PPIP5K1: variants seen among roughly 807,000 people sequenced by gnomAD.
PPIP5K1 encodes diphosphoinositol pentakisphosphate kinase 1.
In PPIP5K1, 6 loss-of-function variants were observed where a neutral mutation model predicts 27.7. The ratio of observed to expected loss-of-function variants is 0.22; its 90% CI spans 0.12 to 0.43. PPIP5K1 has a LOEUF of 0.43. Among genes scored for constraint, PPIP5K1 ranks in the 20% least tolerant of loss-of-function variants. The pLI is 1.00. For missense variants in PPIP5K1, 394 were observed against 635.4 expected (o/e 0.62, Z 4.08); for synonymous variants, 145 against 242.6 (o/e 0.60, Z 3.74).
At position 43,535,288 on chromosome 15, in the gene PPIP5K1, C is replaced by G; in HGVS notation, c.3859G>C (p.Glu1287Gln). The G allele has an allele frequency of 6.2e-7, 1 of 1,614,160 alleles. No individual in the cohort carries two copies. The highest frequency in any genetic ancestry group is 8.5e-7 in the Non-Finnish European group (1 of 1,180,034). The change falls in exon 32 of 32, where the codon GAG becomes CAG. Residue 1287 changes from glutamate (E) to glutamine (Q), a missense_variant. Physicochemically the swap from Glu to Gln is conservative, Grantham distance 29. Transcript: ENST00000420765. ...SGAQELSIEG[E>Q]QELFEPNQSP... ...TGATTTGGTTCAAAAAGCTCTTGCT[C>G]CCCTTCTATGGAGAGCTCTTGTGCT...
intron 30 of PPIP5K1, among the ~76,000 whole-genome samples, 162 bp from the exon 31 acceptor site, chr15:43,539,745 T>A (rs1232365141): frequency 6.6e-6 from 1 of 152,190 alleles, no homozygotes; most frequent in Non-Finnish European, 1.5e-5. Flanking sequence ...TTCAATTTTT[T>A]AAACGTTATA....
At chr15:43,557,334 C>T (rs1012052109) in intron 30 of PPIP5K1, among the ~76,000 whole-genome samples, 2 of 152,124 alleles carry the variant, frequency 1.3e-5, no homozygotes, top group Admixed American at 1.3e-4. Flanking sequence ...GTAATCCCAG[C>T]TACTCAGGAG....
intron 30 of PPIP5K1, among the ~76,000 whole-genome samples, chr15:43,550,551 G>A (rs1040411750): frequency 6.6e-6 from 1 of 151,902 alleles, no homozygotes; most frequent in Admixed American, 6.6e-5. Flanking sequence ...TTTTATATTT[G>A]GGACCATGTC....
At chr15:43,545,008 C>A (rs1052144193) in intron 30 of PPIP5K1, among the ~76,000 whole-genome samples, 4 of 151,878 alleles carry the variant, frequency 2.6e-5, no homozygotes, top group African/African-American at 9.7e-5. Context: ...GAAACCCCGT[C>A]CCTACTAAAA....
chr15:43,551,423 C>T (rs1466382799), intron 30 of PPIP5K1, among the ~76,000 whole-genome samples: 1 of 148,050 alleles, frequency 6.8e-6, no homozygotes, highest in Non-Finnish European at 1.5e-5. Flanking sequence ...GAGGCTGAGG[C>T]AGGAGAATCG....
chr15:43,534,462 G>A lies in PPIP5K1; in HGVS notation c.*212C>T, dbSNP rs2079567887. The A allele has an allele frequency of 4.3e-6, 2 of 459,946 alleles. No individual in the cohort carries two copies. The highest frequency in any genetic ancestry group is 7.6e-6 in the Non-Finnish European group (2 of 264,384). The allele number at this position is 459,946 out of a possible 1,614,324, so 28.5% of individuals were successfully genotyped here. ...ACCGCTGGTGAGAGCTGGCCAGTGA[G>A]TTAGCCAACAGAAAAGGTTGCTGGC... On this transcript the variant is annotated 3_prime_UTR_variant, in exon 32 of 32. Coordinates refer to ENST00000420765, the MANE Select transcript of PPIP5K1 (RefSeq NM_001394395.1).
At chr15:43,549,027 CAAAAAAAAAAA>C (rs1160828750) in intron 30 of PPIP5K1, among the ~76,000 whole-genome samples, 16 of 28,670 alleles carry the variant, frequency 5.6e-4, no homozygotes, top group East Asian at 2.2e-3. Context: ...GACTCCATCT[CAAAAAAAAAAA>C]AAAAAAAAAA....
At chr15:43,546,211 C>T (rs1160685981) in intron 30 of PPIP5K1, among the ~76,000 whole-genome samples, 2 of 152,152 alleles carry the variant, frequency 1.3e-5, no homozygotes, top group Non-Finnish European at 2.9e-5. Context: ...TAATATGTAT[C>T]GGTACTTCAT....
At chr15:43,546,309 C>G (rs941632691) in intron 30 of PPIP5K1, among the ~76,000 whole-genome samples, 6 of 152,052 alleles carry the variant, frequency 3.9e-5, no homozygotes, top group African/African-American at 1.4e-4. Context: ...TACCTTTTGA[C>G]TTTTTGAGAA....
intron 31 of PPIP5K1, among the ~76,000 whole-genome samples, chr15:43,538,764 G>A (rs1256877244): frequency 6.6e-6 from 1 of 151,856 alleles, no homozygotes; most frequent in Admixed American, 6.6e-5. Flanking sequence ...TGCCCGCCTC[G>A]GCCTCCCAAA....
At chr15:43,544,975 G>A (rs1038683803) in intron 30 of PPIP5K1, among the ~76,000 whole-genome samples, 5 of 151,936 alleles carry the variant, frequency 3.3e-5, no homozygotes, top group African/African-American at 7.3e-5. Context: ...TCAGGAGATC[G>A]AGACCATCCT....
chr15:43,579,383 T>TACACACAC (rs371291746), intron 10 of PPIP5K1, among the ~76,000 whole-genome samples: 1,890 of 84,180 alleles, frequency 0.022, 115 homozygotes, highest in East Asian at 0.033. Flanking sequence ...TTCGATTATA[T>TACACACAC]ACACACACAC....
intron 30 of PPIP5K1, among the ~76,000 whole-genome samples, chr15:43,544,794 CAGAGCA>C (rs2081167238): frequency 6.6e-6 from 1 of 152,210 alleles, no homozygotes; most frequent in East Asian, 1.9e-4. Flanking sequence ...GCCTAGGTGA[CAGAGCA>C]AGACCCTGTC....
At chr15:43,551,536 CAAT>C (rs1482640091) in intron 30 of PPIP5K1, among the ~76,000 whole-genome samples, 15 of 142,274 alleles carry the variant, frequency 1.1e-4, no homozygotes, top group African/African-American at 3.7e-4. Flanking sequence ...AAAAAACCCA[CAAT>C]AATAATAATA....
Position 43,539,535 on chromosome 15 carries a change from G to C in PPIP5K1, c.3605C>G (p.Ser1202Cys), listed in dbSNP as rs1408312778. 1.9e-6 allele frequency: 3 copies of C among 1,610,648 alleles called. No homozygotes were observed. The highest frequency in any genetic ancestry group is 8.5e-7 in the Non-Finnish European group (1 of 1,178,260). The change falls in exon 31 of 32, where the codon TCT (serine) becomes TGT (cysteine). Residue 1202 changes from serine (S) to cysteine (C), a missense_variant. Physicochemically the swap from Ser to Cys is moderately radical, Grantham distance 112 (BLOSUM62 -1). This residue lies in a region of PPIP5K1 where 379 missense variants were observed against 423.9 expected (regional missense o/e 0.89). Coordinates refer to ENST00000420765, the MANE Select transcript of PPIP5K1 (RefSeq NM_001394395.1). ...AGGTGAATGAAGAGTACGTGGTGGAGAAAATGGGTTATCTGAGGCCTGGCT... is the reference window on the plus strand; with the variant it reads ...AGGTGAATGAAGAGTACGTGGTGGACAAAATGGGTTATCTGAGGCCTGGCT... ...HSSQASDNPF[S>C]PPRTLHSPPL...
At chr15:43,554,181 C>T (rs2082618544) in intron 30 of PPIP5K1, among the ~76,000 whole-genome samples, 1 of 152,158 alleles carries the variant, frequency 6.6e-6, no homozygotes, top group Non-Finnish European at 1.5e-5. Context: ...TCTGCAACTA[C>T]TATTGTAGAA....
chr15:43,552,546 GA>G (rs914993875), intron 30 of PPIP5K1, among the ~76,000 whole-genome samples: 7 of 120,122 alleles, frequency 5.8e-5, no homozygotes, highest in Admixed American at 2.5e-4. Context: ...AAAAAAAAAA[GA>G]AAAAAAAAAG....
At chr15:43,555,306 C>T (rs967148832) in intron 30 of PPIP5K1, among the ~76,000 whole-genome samples, 3 of 152,088 alleles carry the variant, frequency 2.0e-5, no homozygotes, top group Non-Finnish European at 1.5e-5. Context: ...GACACGGTCT[C>T]AGTCTATCAC....
At chr15:43,587,323 TA>T (rs1248439289) in intron 1 of PPIP5K1, among the ~76,000 whole-genome samples, 5 of 83,650 alleles carry the variant, frequency 6.0e-5, no homozygotes, top group African/African-American at 1.7e-4. Flanking sequence ...TCTCTGTTGG[TA>T]ATGAGAAAAA....
Sources: gnomAD v4.1 joint callset for allele counts (sites outside exome capture counted in the v4.1 genomes callset) on GRCh38, gnomAD v4.1.1 for gene constraint, gnomAD v4.1.1 regional missense constraint, MANE v1.5 for transcripts, NCBI Gene and HGNC (gene_info 2026-07-23, HGNC 2026-07-21) for gene names.